Variants in FMN1 observed in about 807,000 individuals in gnomAD.
FMN1 encodes the protein formin 1.
In FMN1, 110 loss-of-function variants were observed where a neutral mutation model predicts 132.4. That is an observed-to-expected ratio of 0.83 (90% CI 0.71 to 0.97). The LOEUF is 0.97. Among genes scored for constraint, FMN1 ranks in the 50% least tolerant of loss-of-function variants. The probability of loss-of-function intolerance (pLI) is 0.00; values close to 1 mark genes in which losing one functional copy is unlikely to be tolerated. For synonymous variants in FMN1, 722 were observed against 651.7 expected (o/e 1.11, Z -1.64); for missense variants, 1,792 against 1,705.3 (o/e 1.05, Z -0.90).
At chr15:33,047,432 A>C (rs1374396389) in intron 6 of FMN1, among the ~76,000 whole-genome samples, 1 of 152,200 alleles carries the variant, frequency 6.6e-6, no homozygotes, top group Admixed American at 6.5e-5. Context: ...TATTTAAAAA[A>C]ACTTTTATAA....
At chr15:33,158,899 A>C (rs545089084) in intron 3 of FMN1, among the ~76,000 whole-genome samples, 14 of 152,256 alleles carry the variant, frequency 9.2e-5, no homozygotes, top group African/African-American at 3.4e-4. Context: ...TAAAAGATAG[A>C]TTTCAGGCCA....
intron 10 of FMN1, among the ~76,000 whole-genome samples, chr15:32,913,674 G>A (rs529078746): frequency 6.6e-6 from 1 of 152,220 alleles, no homozygotes; most frequent in Non-Finnish European, 1.5e-5. Flanking sequence ...TTTACATAAG[G>A]TGAAGATGGT....
intron 4 of FMN1, among the ~76,000 whole-genome samples, chr15:33,119,297 G>A (rs886748126): frequency 1.8e-4 from 27 of 152,256 alleles, no homozygotes; most frequent in African/African-American, 6.5e-4. Context: ...CAAATCCTGG[G>A]AACTGAAATG....
chr15:32,809,275 C>T (rs904779062), intron 17 of FMN1, among the ~76,000 whole-genome samples: 1 of 152,072 alleles, frequency 6.6e-6, no homozygotes, highest in African/African-American at 2.4e-5. Context: ...GCTAAGATTC[C>T]TTCCTTAACC....
chr15:33,007,164 T>C (rs1429058991), intron 7 of FMN1, among the ~76,000 whole-genome samples: 1 of 152,176 alleles, frequency 6.6e-6, no homozygotes, highest in African/African-American at 2.4e-5. Context: ...TTTCAAAACA[T>C]GTCATATACC....
In FMN1 at chr15:32,768,603, T is replaced by A. The variant is rs548190454; in HGVS notation, c.*5707A>T. ...TGTGAGAGCTATAGTGTGGTAGAGGTTGTTTAATCCATGCCAAATTCTTTG... is the reference window on the plus strand; with the variant it reads ...TGTGAGAGCTATAGTGTGGTAGAGGATGTTTAATCCATGCCAAATTCTTTG... On this transcript the variant is annotated 3_prime_UTR_variant, in exon 21 of 21. Transcript: ENST00000616417. 1 of 152,200 alleles carries A rather than the reference T, an allele frequency of 6.6e-6. No homozygotes were observed. The highest frequency in any genetic ancestry group is 2.4e-5 in the African/African-American group (1 of 41,520). 9.4% of individuals were successfully genotyped at this position (152,200 alleles called of 1,614,324 possible). A position where few individuals can be genotyped will look rare whatever the true frequency, so the allele number is the denominator to read the frequency against.
chr15:32,823,135 G>A (rs1260938826), intron 17 of FMN1, among the ~76,000 whole-genome samples: 1 of 141,316 alleles, frequency 7.1e-6, no homozygotes, highest in Admixed American at 7.2e-5. Context: ...CTGTCTCAAA[G>A]ACAGAGAGTT....
chr15:32,888,962 G>A (rs371905095), intron 15 of FMN1, among the ~76,000 whole-genome samples: 3 of 150,980 alleles, frequency 2.0e-5, no homozygotes, highest in Admixed American at 2.0e-4. Context: ...AGGTCCAAGC[G>A]ATCCTTCTAG....
intron 17 of FMN1, among the ~76,000 whole-genome samples, chr15:32,808,035 G>C (rs914419363): frequency 6.6e-6 from 1 of 152,188 alleles, no homozygotes; most frequent in Non-Finnish European, 1.5e-5. Context: ...AAAGACTGGA[G>C]TCACAAACTC....
chr15:33,020,669 A>T (rs2035372170), intron 6 of FMN1, among the ~76,000 whole-genome samples: 1 of 148,622 alleles, frequency 6.7e-6, no homozygotes, highest in South Asian at 2.1e-4. Flanking sequence ...CACTATGCTT[A>T]GTTAGCCTCT....
chr15:32,873,825 C>A (rs1486424416), intron 16 of FMN1, among the ~76,000 whole-genome samples: 1 of 152,054 alleles, frequency 6.6e-6, no homozygotes, highest in South Asian at 2.1e-4. Flanking sequence ...GGAGGCCCCT[C>A]CAAGCTATCT....
At chr15:33,144,300 G>A (rs117119730) in intron 4 of FMN1, among the ~76,000 whole-genome samples, 2 of 152,220 alleles carry the variant, frequency 1.3e-5, no homozygotes, top group Non-Finnish European at 1.5e-5. Flanking sequence ...TATCCTATAC[G>A]ATCTCTGCCC....
At chr15:33,039,849 C>G (rs2036348529) in intron 6 of FMN1, among the ~76,000 whole-genome samples, 2 of 152,188 alleles carry the variant, frequency 1.3e-5, no homozygotes, top group Non-Finnish European at 2.9e-5. Context: ...TCTATCATCT[C>G]TCCTCTGGAC....
intron 6 of FMN1, among the ~76,000 whole-genome samples, chr15:33,013,225 T>TGG (rs1566824737): frequency 6.6e-6 from 1 of 152,202 alleles, no homozygotes; most frequent in African/African-American, 2.4e-5. Flanking sequence ...CTCCCGTGTA[T>TGG]GGGCAAAAGA....
chr15:32,915,513 A>G (rs891025190), intron 10 of FMN1, among the ~76,000 whole-genome samples: 4 of 152,236 alleles, frequency 2.6e-5, no homozygotes, highest in Admixed American at 2.0e-4. Context: ...TATACTTTGA[A>G]AACACTCACT....
intron 4 of FMN1, among the ~76,000 whole-genome samples, chr15:33,117,752 G>A (rs969449214): frequency 1.4e-4 from 22 of 152,164 alleles, no homozygotes; most frequent in Admixed American, 1.4e-3. Flanking sequence ...TGATGAGACA[G>A]AAGGAACACA....
chr15:33,003,271 C>A (rs542234522), intron 7 of FMN1, among the ~76,000 whole-genome samples: 1 of 152,314 alleles, frequency 6.6e-6, no homozygotes, highest in East Asian at 1.9e-4. Context: ...TCCCTGTTTG[C>A]AGATGACGTG....
At chr15:32,986,897 C>T (rs1596403485) in intron 7 of FMN1, among the ~76,000 whole-genome samples, 1 of 152,198 alleles carries the variant, frequency 6.6e-6, no homozygotes, top group African/African-American at 2.4e-5. Flanking sequence ...CAGGTTTTCT[C>T]TAGTAATTGG....
rs373092678 is a variant in FMN1 at position 32,990,461 on chromosome 15, T to G, written c.2223+17553A>C. ...AGGACAATTACTTCATCTGTTTCAG[T>G]AGAGTTGGAACGGAATTCAAGTGGT... On this transcript the variant is annotated intron_variant, in intron 7 of 20. Coordinates refer to ENST00000616417, the MANE Select transcript of FMN1 (RefSeq NM_001277313.2). Among the ~76,000 whole-genome samples the G allele has an allele frequency of 7.2e-5, 11 of 152,230 alleles. No homozygotes were observed. In the East Asian group the frequency reaches 1.7e-3, roughly 24 times the overall value.
Sources: allele counts gnomAD v4.1 joint callset (sites outside exome capture counted in the v4.1 genomes callset), GRCh38; gene constraint gnomAD v4.1.1; transcripts MANE v1.5; gene names NCBI Gene and HGNC (gene_info 2026-07-23, HGNC 2026-07-21).